The following ADCY8 variants were observed in gnomAD, a reference collection of about 807,000 sequenced individuals.
The protein encoded by ADCY8 is adenylate cyclase 8, also known as adenylate cyclase type 8.
ADCY8 carries 51 observed loss-of-function variants against 119.7 expected under a neutral mutation model. That is an observed-to-expected ratio of 0.43 (90% CI 0.34 to 0.54). The LOEUF is 0.54. ADCY8 is among the 20% of genes least tolerant of loss of function. The pLI, the probability that ADCY8 is intolerant of heterozygous loss-of-function variation, is 0.03. For synonymous variants in ADCY8, 665 were observed against 651.0 expected (o/e 1.02, Z -0.33); for missense variants, 1,383 against 1,598.8 (o/e 0.87, Z 2.30).
At chr8:131,008,923 T>G (rs947655452) in intron 1 of ADCY8, among the ~76,000 whole-genome samples, 1 of 152,186 alleles carries the variant, frequency 6.6e-6, no homozygotes, top group Non-Finnish European at 1.5e-5. Flanking sequence ...ATTTTGCCCC[T>G]GCCCTAGAGA....
intron 7 of ADCY8, chr8:130,891,922 C>T (rs1466673269): frequency 6.6e-6 from 1 of 152,112 alleles, no homozygotes; most frequent in Non-Finnish European, 1.5e-5. Flanking sequence ...TGAAACAGTA[C>T]AGCCAAATGA....
chr8:130,971,942 G>T (rs1250712502), intron 2 of ADCY8, among the ~76,000 whole-genome samples: 1 of 152,170 alleles, frequency 6.6e-6, no homozygotes, highest in Non-Finnish European at 1.5e-5. Context: ...GCTACTGAAG[G>T]ATCTCTTCTT....
chr8:130,847,606 C>G, intron 10 of ADCY8, 93 bp from the exon 11 acceptor site: 1 of 1,076,464 alleles, frequency 9.3e-7, no homozygotes, highest in South Asian at 1.5e-5. Flanking sequence ...AGTGTGCTAT[C>G]AGTGGCTGGG....
At chr8:130,948,556 C>A (rs1186418987) in intron 3 of ADCY8, among the ~76,000 whole-genome samples, 1 of 151,488 alleles carries the variant, frequency 6.6e-6, no homozygotes, top group African/African-American at 2.4e-5. Context: ...TTTAAGCATA[C>A]CCTTTCCTGA....
At chr8:130,836,802 C>T (rs373699004) in intron 11 of ADCY8, among the ~76,000 whole-genome samples, 5 of 152,106 alleles carry the variant, frequency 3.3e-5, no homozygotes, top group African/African-American at 4.8e-5. Context: ...GGTATCATCT[C>T]GGCTTACTGC....
chr8:130,951,822 C>T, intron 3 of ADCY8, 46 bp downstream of exon 3: 1 of 1,610,112 alleles, frequency 6.2e-7, no homozygotes, highest in South Asian at 1.1e-5. Context: ...CACCCAAACA[C>T]ACATGGATCA....
At chr8:130,850,442 C>T (rs1248118428) in intron 9 of ADCY8, among the ~76,000 whole-genome samples, 1 of 152,142 alleles carries the variant, frequency 6.6e-6, no homozygotes, top group Non-Finnish European at 1.5e-5. Flanking sequence ...CTTAGTCAGT[C>T]TGTGATCTAA....
At chr8:130,949,279 G>A (rs1821203175) in intron 3 of ADCY8, among the ~76,000 whole-genome samples, 2 of 152,096 alleles carry the variant, frequency 1.3e-5, no homozygotes, top group South Asian at 4.2e-4. Context: ...ACCTGAGCAT[G>A]TTGGTGTGGA....
At chr8:130,819,449 T>A (rs114698627) in intron 13 of ADCY8, among the ~76,000 whole-genome samples, 39 of 152,304 alleles carry the variant, frequency 2.6e-4, no homozygotes, top group African/African-American at 9.1e-4. Context: ...GTTATTAGGG[T>A]ACCATTTGAG....
intron 1 of ADCY8, among the ~76,000 whole-genome samples, chr8:131,017,901 C>T (rs982723952): frequency 1.3e-5 from 2 of 152,058 alleles, no homozygotes; most frequent in Non-Finnish European, 1.5e-5. Context: ...AGAAACCTTT[C>T]GGACCCTTGT....
intron 14 of ADCY8, among the ~76,000 whole-genome samples, chr8:130,811,446 G>C (rs1229441648): frequency 6.6e-6 from 1 of 152,182 alleles, no homozygotes; most frequent in African/African-American, 2.4e-5. Context: ...CTAACCCACT[G>C]TCCAAGCCAA....
At chr8:130,980,491 A>G (rs35234416) in intron 2 of ADCY8, among the ~76,000 whole-genome samples, 49,325 of 152,022 alleles carry the variant, frequency 0.32, 8,547 homozygotes, top group East Asian at 0.49. Context: ...GAAACGTTGG[A>G]AAAAAATGTG....
intron 1 of ADCY8, among the ~76,000 whole-genome samples, chr8:130,992,399 A>ATG (rs1563759032): frequency 3.3e-5 from 1 of 30,208 alleles, no homozygotes; most frequent in African/African-American, 1.4e-4. Flanking sequence ...ATATATATAT[A>ATG]TATATATATA....
intron 15 of ADCY8, among the ~76,000 whole-genome samples, chr8:130,799,886 C>T (rs1308434863): frequency 1.3e-5 from 2 of 152,084 alleles, no homozygotes; most frequent in African/African-American, 4.8e-5. Context: ...AGTAGAAGGC[C>T]CACTTGTGTC....
intron 15 of ADCY8, among the ~76,000 whole-genome samples, chr8:130,799,251 A>T (rs1815688480): frequency 6.6e-6 from 1 of 152,234 alleles, no homozygotes; most frequent in South Asian, 2.1e-4. Context: ...AATGTATTGC[A>T]TACTTGAAAA....
chr8:130,903,895 G>A lies in ADCY8; in HGVS notation c.1788C>T (p.Ser596=), dbSNP rs202075957. Reference sequence around the variant, plus strand: ...ACTCCTTGACGATATCTTCAGGCAAGGACAGCAGACTGTCCTCAGGCTGCT... The same window carrying A: ...ACTCCTTGACGATATCTTCAGGCAAAGACAGCAGACTGTCCTCAGGCTGCT... ...LIKQPEDSLL[S]LPEDIVKESV... is the part of the protein sequence containing the mutation. The change falls in exon 7 of 18, where the codon TCC becomes TCT. Residue 596 remains serine (S), a synonymous_variant. Coordinates refer to ENST00000286355, the MANE Select transcript of ADCY8 (RefSeq NM_001115.3). The A allele has an allele frequency of 6.2e-7, 1 of 1,614,126 alleles. No individual in the cohort carries two copies. Among genetic ancestry groups the A allele is most frequent in the Non-Finnish European group, 8.5e-7 (1 of 1,180,016 alleles).
Position 131,040,060 on chromosome 8 carries a change from A to G in ADCY8, c.274T>C (p.Tyr92His). The G allele has an allele frequency of 6.5e-7, 1 of 1,544,744 alleles. No individual in the cohort carries two copies. Among genetic ancestry groups the G allele is most frequent in the Non-Finnish European group, 8.7e-7 (1 of 1,150,408 alleles). Residue 92 changes from tyrosine to histidine, a missense_variant, in exon 1 of 18, where the codon TAC becomes CAC. Tyr to His is a moderately conservative substitution (Grantham distance 83, BLOSUM62 2). This residue lies in a region of ADCY8 where 455 missense variants were observed against 435.3 expected (regional missense o/e 1.05). Coordinates refer to ENST00000286355, the MANE Select transcript of ADCY8 (RefSeq NM_001115.3). ...QLSGDSALPL[Y>H]SLGPGERAHS... ...GCTCGCTCTCCCGGGCCCAGCGAGT[A>G]GAGGGGCAGCGCCGAGTCGCCTGAC...
At chr8:130,829,596 G>A (rs1451406575) in intron 12 of ADCY8, among the ~76,000 whole-genome samples, 5 of 151,592 alleles carry the variant, frequency 3.3e-5, no homozygotes, top group Admixed American at 6.6e-5. Flanking sequence ...ATGGTTCATG[G>A]AAGTCATGAA....
At chr8:130,853,577 GTTTTTTTT>G (rs5742176) in intron 9 of ADCY8, among the ~76,000 whole-genome samples, 11,531 of 147,640 alleles carry the variant, frequency 0.078, 476 homozygotes, top group Non-Finnish European at 0.1. Context: ...TAAAATTGAT[GTTTTTTTT>G]TTTTTTTTTT....
Sources: allele counts gnomAD v4.1 joint callset (sites outside exome capture counted in the v4.1 genomes callset), GRCh38; gene constraint gnomAD v4.1.1; regional missense constraint gnomAD v4.1.1; transcripts MANE v1.5; gene names NCBI Gene and HGNC (gene_info 2026-07-23, HGNC 2026-07-21).